Variants in SORCS2 observed in about 807,000 individuals in gnomAD.
SORCS2 encodes the protein VPS10 domain-containing receptor SorCS2.
A neutral mutation model predicts 141.6 loss-of-function variants in SORCS2; 100 were observed. That is an observed-to-expected ratio of 0.71 (90% CI 0.60 to 0.83). The LOEUF (loss-of-function observed/expected upper bound fraction) is 0.83, where lower values mean the gene tolerates loss of function less well. SORCS2 is among the 40% of genes least tolerant of loss of function. The probability of loss-of-function intolerance (pLI) is 0.00; values close to 1 mark genes in which losing one functional copy is unlikely to be tolerated. For synonymous variants in SORCS2, 789 were observed against 676.9 expected (o/e 1.17, Z -2.57); for missense variants, 1,646 against 1,560.2 (o/e 1.05, Z -0.93).
intron 1 of SORCS2, among the ~76,000 whole-genome samples, chr4:7,293,283 G>T (rs573208267): frequency 1.3e-3 from 196 of 150,348 alleles, no homozygotes; most frequent in African/African-American, 4.7e-3. Flanking sequence ...TAGCCTGGGC[G>T]AAAGAGCAAG....
chr4:7,640,619 C>A (rs1211432112), intron 4 of SORCS2, among the ~76,000 whole-genome samples: 2 of 151,774 alleles, frequency 1.3e-5, no homozygotes, highest in African/African-American at 4.8e-5. Context: ...CTGGGGTGAT[C>A]TTCACATCTG....
chr4:7,295,755 C>T (rs1264006153), intron 1 of SORCS2, among the ~76,000 whole-genome samples: 1 of 152,224 alleles, frequency 6.6e-6, no homozygotes, highest in Non-Finnish European at 1.5e-5. Context: ...TGGCACCCAC[C>T]ATTTGAGGTG....
At chr4:7,300,446 C>T (rs975654524) in intron 1 of SORCS2, among the ~76,000 whole-genome samples, 4 of 152,152 alleles carry the variant, frequency 2.6e-5, no homozygotes, top group African/African-American at 9.7e-5. Flanking sequence ...GCACCACTCT[C>T]ACCAAGCCCT....
At chr4:7,736,766 C>T (rs1712214228) in intron 25 of SORCS2, among the ~76,000 whole-genome samples, 1 of 152,154 alleles carries the variant, frequency 6.6e-6, no homozygotes. Context: ...ATGCCCTCTC[C>T]CCACCACATG....
intron 1 of SORCS2, among the ~76,000 whole-genome samples, chr4:7,386,144 CACAT>C (rs1353000070): frequency 1.3e-5 from 2 of 151,480 alleles, no homozygotes; most frequent in African/African-American, 4.9e-5. Flanking sequence ...CACATGCACA[CACAT>C]ACAGGTACAC....
At chr4:7,427,079 TC>T (rs1051662790) in intron 2 of SORCS2, among the ~76,000 whole-genome samples, 4 of 152,178 alleles carry the variant, frequency 2.6e-5, no homozygotes, top group Admixed American at 2.6e-4. Context: ...GGCCACGGCC[TC>T]CCAGGGTGAC....
chr4:7,588,835 G>C (rs1217196113), intron 3 of SORCS2, among the ~76,000 whole-genome samples: 1 of 152,116 alleles, frequency 6.6e-6, no homozygotes, highest in Non-Finnish European at 1.5e-5. Context: ...GACTTTTTTT[G>C]GTATATTTTG....
At chr4:7,332,458 G>C (rs1289984558) in intron 1 of SORCS2, among the ~76,000 whole-genome samples, 1 of 152,234 alleles carries the variant, frequency 6.6e-6, no homozygotes, top group Non-Finnish European at 1.5e-5. Flanking sequence ...CTGTCCAGGG[G>C]AGGATGGAGG....
At chr4:7,196,759 G>C (rs1727194176) in intron 1 of SORCS2, among the ~76,000 whole-genome samples, 1 of 151,964 alleles carries the variant, frequency 6.6e-6, no homozygotes, top group Admixed American at 6.6e-5. Context: ...CACACTCTCT[G>C]TTCTGCAATC....
intron 2 of SORCS2, among the ~76,000 whole-genome samples, chr4:7,410,242 G>A (rs768522408): frequency 6.6e-6 from 1 of 152,214 alleles, no homozygotes; most frequent in African/African-American, 2.4e-5. Flanking sequence ...GGTAGATAAC[G>A]CTGAGAGTTC....
At chr4:7,516,208 G>C (rs906438912) in intron 2 of SORCS2, among the ~76,000 whole-genome samples, 5 of 152,210 alleles carry the variant, frequency 3.3e-5, no homozygotes, top group Non-Finnish European at 1.5e-5. Context: ...CAGCTCCAAG[G>C]AGAGGAAATC....
chr4:7,352,827 G>C (rs1202144869), intron 1 of SORCS2, among the ~76,000 whole-genome samples: 1 of 152,174 alleles, frequency 6.6e-6, no homozygotes, highest in Non-Finnish European at 1.5e-5. Context: ...AAACTTTGGT[G>C]AAGTCACGGC....
At chr4:7,655,387 C>T (rs977693883) in intron 5 of SORCS2, among the ~76,000 whole-genome samples, 1 of 152,196 alleles carries the variant, frequency 6.6e-6, no homozygotes, top group Admixed American at 6.5e-5. Flanking sequence ...GGCTATCAGC[C>T]CTACACACAC....
chr4:7,661,646 G>T, intron 6 of SORCS2, 82 bp downstream of exon 6: 2 of 1,326,790 alleles, frequency 1.5e-6, no homozygotes, highest in Non-Finnish European at 2.1e-6. Context: ...GTGTTCAGTC[G>T]CTTGTCCGCA....
At chr4:7,514,131 G>A (rs1732831752) in intron 2 of SORCS2, among the ~76,000 whole-genome samples, 2 of 152,174 alleles carry the variant, frequency 1.3e-5, no homozygotes, top group Non-Finnish European at 2.9e-5. Context: ...GCTGATGTTG[G>A]AAGCTGGAGC....
chr4:7,424,994 G>A (rs116562075), intron 2 of SORCS2, among the ~76,000 whole-genome samples: 4,380 of 152,308 alleles, frequency 0.029, 190 homozygotes, highest in African/African-American at 0.1. Context: ...ATGGATCCCT[G>A]GCCTTCTGTG....
At chr4:7,346,179 C>T (rs745316073) in intron 1 of SORCS2, among the ~76,000 whole-genome samples, 6 of 152,042 alleles carry the variant, frequency 3.9e-5, no homozygotes, top group Non-Finnish European at 7.3e-5. Flanking sequence ...TTTTTAATAC[C>T]AGCGTTTAAA....
At chr4:7,607,218 A>G (rs1020772131) in intron 3 of SORCS2, among the ~76,000 whole-genome samples, 9 of 152,140 alleles carry the variant, frequency 5.9e-5, no homozygotes, top group African/African-American at 7.2e-5. Context: ...TTGTGTTATC[A>G]TTTGTCTCTC....
At chr4:7,590,506 C>T (rs745958276) in intron 3 of SORCS2, among the ~76,000 whole-genome samples, 15 of 152,188 alleles carry the variant, frequency 9.9e-5, no homozygotes, top group Non-Finnish European at 1.5e-4. Flanking sequence ...CTTCTCCCCT[C>T]GGGAGCCGGG....
Sources: gnomAD v4.1 joint callset for allele counts (sites outside exome capture counted in the v4.1 genomes callset) on GRCh38, gnomAD v4.1.1 for gene constraint, MANE v1.5 for transcripts, NCBI Gene and HGNC (gene_info 2026-07-23, HGNC 2026-07-21) for gene names.